TAFA1: variants seen among roughly 807,000 people sequenced by gnomAD.
TAFA1 encodes chemokine-like protein TAFA-1.
A neutral mutation model predicts 18.5 loss-of-function variants in TAFA1; 4 were observed. The ratio of observed to expected loss-of-function variants is 0.22; its 90% CI spans 0.11 to 0.49. TAFA1 has a LOEUF of 0.49. Ranked by LOEUF, TAFA1 falls within the 20% of genes least tolerant of loss-of-function variation. TAFA1 has a pLI of 0.98. For missense variants in TAFA1, 147 were observed against 169.0 expected (o/e 0.87, Z 0.72); for synonymous variants, 56 against 55.2 (o/e 1.01, Z -0.06).
At chr3:68,501,211 A>C (rs971433459) in intron 3 of TAFA1, among the ~76,000 whole-genome samples, 3 of 151,032 alleles carry the variant, frequency 2.0e-5, no homozygotes, top group African/African-American at 7.3e-5. Context: ...ATCTGTAAAT[A>C]TCTAGTTCCA....
At chr3:68,459,633 G>A (rs2071736567) in intron 3 of TAFA1, among the ~76,000 whole-genome samples, 1 of 152,182 alleles carries the variant, frequency 6.6e-6, no homozygotes. Context: ...CTGAATGAAA[G>A]TATTTGCAGT....
chr3:67,998,354 T>G, the TAFA1 span, among the ~76,000 whole-genome samples: 1 of 152,220 alleles, frequency 6.6e-6, no homozygotes, highest in Non-Finnish European at 1.5e-5. Flanking sequence ...ATGCCCTCAA[T>G]ATTCATTCTC....
intron 2 of TAFA1, among the ~76,000 whole-genome samples, chr3:68,068,234 T>C (rs1350034052): frequency 6.6e-6 from 1 of 152,184 alleles, no homozygotes; most frequent in East Asian, 1.9e-4. Flanking sequence ...GTGATACATA[T>C]AAAATAAGAC....
chr3:68,449,823 G>A (rs77726270), intron 3 of TAFA1, among the ~76,000 whole-genome samples: 8 of 152,170 alleles, frequency 5.3e-5, no homozygotes, highest in Non-Finnish European at 4.4e-5. Flanking sequence ...GTCTACATGA[G>A]TACAGAGTAC....
At chr3:67,994,883 A>G in the TAFA1 span, among the ~76,000 whole-genome samples, 1 of 152,150 alleles carries the variant, frequency 6.6e-6, no homozygotes, top group African/African-American at 2.4e-5. Flanking sequence ...ACCGTGAACT[A>G]TAGGAAAGAC....
rs978685071 is a variant in TAFA1, at chr3:68,347,014, C to T, written c.119-70266C>T. Among the ~76,000 whole-genome samples the T allele has an allele frequency of 2.0e-5, 3 of 152,116 alleles. No individual in the cohort carries two copies. The South Asian group carries it at 6.2e-4, about 32-fold the overall frequency. ...CTCAGAAGGTTCTTTTGCATTAGTC[C>T]AGCCTGTTTTCTCCACTGTGATCCC... On this transcript the variant is annotated intron_variant, in intron 2 of 4. Transcript: ENST00000478136.
chr3:68,105,944 G>C (rs2065198258), intron 2 of TAFA1, among the ~76,000 whole-genome samples: 1 of 152,138 alleles, frequency 6.6e-6, no homozygotes, highest in Admixed American at 6.6e-5. Flanking sequence ...ACAGCCTACT[G>C]TAGGTAATGC....
At chr3:68,059,353 T>C (rs1033740740) in intron 2 of TAFA1, among the ~76,000 whole-genome samples, 3 of 152,106 alleles carry the variant, frequency 2.0e-5, no homozygotes, top group African/African-American at 7.2e-5. Flanking sequence ...GATTCTATTA[T>C]TTGAATGCGT....
chr3:68,370,332 A>ATG (rs2069661907), intron 2 of TAFA1, among the ~76,000 whole-genome samples: 1 of 70,916 alleles, frequency 1.4e-5, no homozygotes, highest in South Asian at 5.2e-4. Flanking sequence ...ATATATATAT[A>ATG]TATATATATA....
At chr3:68,240,236 G>C (rs142141574) in intron 2 of TAFA1, among the ~76,000 whole-genome samples, 2 of 152,262 alleles carry the variant, frequency 1.3e-5, no homozygotes, top group Non-Finnish European at 2.9e-5. Flanking sequence ...TGTCCCCTTA[G>C]GAGACCAGTG....
At chr3:68,146,803 C>G (rs1189178657) in intron 2 of TAFA1, among the ~76,000 whole-genome samples, 1 of 152,132 alleles carries the variant, frequency 6.6e-6, no homozygotes, top group Non-Finnish European at 1.5e-5. Flanking sequence ...TGGGGAAAAT[C>G]CTACAGCTAA....
chr3:68,475,979 T>C (rs1316409584), intron 3 of TAFA1, among the ~76,000 whole-genome samples: 1 of 152,244 alleles, frequency 6.6e-6, no homozygotes, highest in Non-Finnish European at 1.5e-5. Flanking sequence ...TGTCTGTTCA[T>C]GTCCTTCGCC....
chr3:68,322,344 G>C (rs1336358914), intron 2 of TAFA1, among the ~76,000 whole-genome samples: 1 of 152,170 alleles, frequency 6.6e-6, no homozygotes, highest in Non-Finnish European at 1.5e-5. Flanking sequence ...TTGTGCCCTT[G>C]ACGTTTTATT....
chr3:68,110,472 T>C (rs1173039494), intron 2 of TAFA1, among the ~76,000 whole-genome samples: 1 of 152,240 alleles, frequency 6.6e-6, no homozygotes, highest in Admixed American at 6.5e-5. Context: ...GAATGATTTA[T>C]ATTCATTCCT....
At chr3:68,439,420 T>TATATATATATATATAC in intron 3 of TAFA1, among the ~76,000 whole-genome samples, 1 of 110,784 alleles carries the variant, frequency 9.0e-6, no homozygotes, top group Non-Finnish European at 1.9e-5. Context: ...TACATATATA[T>TATATATATATATATAC]ATATATATAT....
chr3:68,450,819 T>A (rs1364529432), intron 3 of TAFA1, among the ~76,000 whole-genome samples: 1 of 152,188 alleles, frequency 6.6e-6, no homozygotes, highest in Non-Finnish European at 1.5e-5. Context: ...TCTGTAGTCA[T>A]GTAGCAAGTG....
intron 2 of TAFA1, among the ~76,000 whole-genome samples, chr3:68,021,873 T>C (rs1372113087): frequency 1.3e-5 from 2 of 152,142 alleles, no homozygotes; most frequent in East Asian, 1.9e-4. Flanking sequence ...AATTTGTACA[T>C]GACAGGCATT....
chr3:68,305,407 GACTATATA>G (rs1559608795), intron 2 of TAFA1, among the ~76,000 whole-genome samples: 1 of 36,658 alleles, frequency 2.7e-5, no homozygotes, highest in Non-Finnish European at 5.2e-5. Context: ...ATGACTATAT[GACTATATA>G]TATATATATA....
intron 3 of TAFA1, among the ~76,000 whole-genome samples, chr3:68,512,868 CT>C (rs2072869926): frequency 1.3e-5 from 2 of 152,108 alleles, no homozygotes; most frequent in African/African-American, 4.8e-5. Context: ...AGAAAGTCCT[CT>C]TTAGAAAAAA....
Sources: allele counts gnomAD v4.1 joint callset (sites outside exome capture counted in the v4.1 genomes callset), GRCh38; gene constraint gnomAD v4.1.1; transcripts MANE v1.5; gene names NCBI Gene and HGNC (gene_info 2026-07-23, HGNC 2026-07-21).